The following ANK3 variants were observed in gnomAD, a reference collection of about 807,000 sequenced individuals.
The protein encoded by ANK3 is ankyrin 3, also known as ankyrin-3.
In ANK3, 57 loss-of-function variants were observed where a neutral mutation model predicts 370.9. The observed-to-expected ratio is 0.15, with a 90% CI of 0.12 to 0.19. The LOEUF (loss-of-function observed/expected upper bound fraction) is 0.19. ANK3 is among the 10% of genes least tolerant of loss of function. The pLI is 1.00. For missense variants in ANK3, 4,439 were observed against 5,302.1 expected, an observed-to-expected ratio of 0.84 and a Z score of 5.06; for synonymous variants, 1,929 against 1,946.3, an observed-to-expected ratio of 0.99 and a Z score of 0.23.
intron 23 of ANK3, among the ~76,000 whole-genome samples, chr10:60,142,742 C>T (rs1268721803): frequency 6.6e-6 from 1 of 151,958 alleles, no homozygotes; most frequent in South Asian, 2.1e-4. Flanking sequence ...AATAAAATAG[C>T]CTTATAACAT....
intron 2 of ANK3, among the ~76,000 whole-genome samples, chr10:60,410,074 A>G (rs2063528769): frequency 1.3e-5 from 2 of 151,974 alleles, no homozygotes; most frequent in Admixed American, 1.3e-4. Context: ...TTGAATTTTG[A>G]TATTCTGATT....
intron 17 of ANK3, among the ~76,000 whole-genome samples, chr10:60,183,645 G>A (rs2132352627): frequency 6.6e-6 from 1 of 152,174 alleles, no homozygotes; most frequent in East Asian, 1.9e-4. Flanking sequence ...GATCCCCTGA[G>A]GTTGGGAGTT....
In ANK3 at chr10:60,193,623, CCA is replaced by C. The variant is rs1335281867; in HGVS notation, c.1887+2520_1887+2521del. Among the ~76,000 whole-genome samples the C allele has an allele frequency of 2.0e-5, 3 of 150,774 alleles. No individual in the cohort carries two copies. The East Asian group carries it at 5.9e-4, about 30-fold the overall frequency. On this transcript the variant is annotated intron_variant, in intron 16 of 43. Coordinates refer to ENST00000280772, the MANE Select transcript of ANK3 (RefSeq NM_020987.5). ...TGAGCCAAGATCGTGCCACTACACT[CCA>C]GTCTGGGTGACAAAAAAAAAAAAAA...
intron 2 of ANK3, among the ~76,000 whole-genome samples, chr10:60,511,693 G>C (rs1166155642): frequency 1.3e-4 from 20 of 151,890 alleles, no homozygotes; most frequent in Non-Finnish European, 2.8e-4. Context: ...ACTCTCTATG[G>C]AATACTGAAA....
chr10:60,456,170 C>G (rs899274393), intron 2 of ANK3, among the ~76,000 whole-genome samples: 1 of 152,206 alleles, frequency 6.6e-6, no homozygotes, highest in African/African-American at 2.4e-5. Context: ...GAGAGGACAT[C>G]TTTCTTATCC....
chr10:60,468,997 G>GTATATATATA (rs71015794), intron 2 of ANK3, among the ~76,000 whole-genome samples: 1 of 23,256 alleles, frequency 4.3e-5, no homozygotes, highest in East Asian at 2.0e-3. Flanking sequence ...CTTTTAGTGT[G>GTATATATATA]TATATATATA....
chr10:60,510,820 GAAAT>G (rs1159271099), intron 2 of ANK3, among the ~76,000 whole-genome samples: 2 of 151,940 alleles, frequency 1.3e-5, no homozygotes, highest in Non-Finnish European at 1.5e-5. Context: ...ACTCTGTCTT[GAAAT>G]AAATAAATAA....
intron 1 of ANK3, among the ~76,000 whole-genome samples, chr10:60,650,678 T>C (rs1009475856): frequency 2.0e-5 from 3 of 152,202 alleles, no homozygotes; most frequent in Admixed American, 6.5e-5. Context: ...CAGACACTAA[T>C]CTAATAATGG....
At chr10:60,678,803 C>T (rs1384886494) in intron 1 of ANK3, among the ~76,000 whole-genome samples, 2 of 152,166 alleles carry the variant, frequency 1.3e-5, no homozygotes, top group Admixed American at 1.3e-4. Flanking sequence ...TAACTTTTCT[C>T]TTTAATGTTC....
chr10:60,187,002 G>T (rs534263234), intron 16 of ANK3, 90 bp from the exon 17 acceptor site: 3 of 1,262,496 alleles, frequency 2.4e-6, no homozygotes, highest in African/African-American at 2.9e-5. Context: ...TCTTTCTAGT[G>T]GTTTTCTATG....
chr10:60,076,221 C>G lies in ANK3; in HGVS notation c.4660G>C (p.Gly1554Arg). Residue 1554 changes from glycine (G) to arginine (R), a missense_variant, in exon 37 of 44, where the codon GGC (glycine) becomes CGC (arginine). Physicochemically the swap from Gly to Arg is moderately radical, Grantham distance 125 (BLOSUM62 -2). Around this residue, in one of 13 missense-constraint regions of ANK3, gnomAD observed 679 missense variants for 791.0 expected, o/e 0.86. Coordinates refer to ENST00000280772, the MANE Select transcript of ANK3 (RefSeq NM_020987.5). ...STPSPIKSTL[G>R]ASTTSSVKSI... is the part of the protein sequence containing the mutation. ...TTAACTGAAGATGTAGTTGACGCGC[C>G]TAATGTGGATTTGATTGGAGAAGGT... 6.2e-7 allele frequency: 1 copy of G among 1,614,128 alleles called. No homozygotes were observed. Among genetic ancestry groups the G allele is most frequent in the Non-Finnish European group, 8.5e-7 (1 of 1,179,978 alleles).
At chr10:60,487,720 A>AT (rs10684114) in intron 2 of ANK3, among the ~76,000 whole-genome samples, 15,066 of 144,940 alleles carry the variant, frequency 0.1, 901 homozygotes, top group South Asian at 0.18. Flanking sequence ...ATGATGTTGC[A>AT]TTTTTTTTTT....
chr10:60,054,772 T>C (rs1263881643), intron 42 of ANK3, among the ~76,000 whole-genome samples: 1 of 152,224 alleles, frequency 6.6e-6, no homozygotes, highest in Admixed American at 6.5e-5. Context: ...GAACTGGATA[T>C]GTCTCAGCGA....
At chr10:60,401,982 T>A (rs1391971411) in intron 2 of ANK3, among the ~76,000 whole-genome samples, 1 of 152,206 alleles carries the variant, frequency 6.6e-6, no homozygotes. Flanking sequence ...CAACTCTACT[T>A]ATATATTCTC....
At chr10:60,096,397 A>G (rs1294602246) in intron 28 of ANK3, among the ~76,000 whole-genome samples, 1 of 152,190 alleles carries the variant, frequency 6.6e-6, no homozygotes, top group Non-Finnish European at 1.5e-5. Context: ...CATCCTATAC[A>G]TTACAGAAAA....
intron 2 of ANK3, among the ~76,000 whole-genome samples, chr10:60,573,567 C>T (rs1383646229): frequency 6.6e-6 from 1 of 152,178 alleles, no homozygotes; most frequent in Non-Finnish European, 1.5e-5. Flanking sequence ...CATCCTGAGC[C>T]CCAGGAATCT....
chr10:60,472,122 A>G (rs1482622757), intron 2 of ANK3, among the ~76,000 whole-genome samples: 1 of 152,168 alleles, frequency 6.6e-6, no homozygotes, highest in Admixed American at 6.6e-5. Context: ...AATGTCAAGT[A>G]AGACTTGGAA....
upstream of ANK3, among the ~76,000 whole-genome samples, chr10:60,390,930 CA>C (rs2063052848): frequency 6.6e-6 from 1 of 152,134 alleles, no homozygotes; most frequent in African/African-American, 2.4e-5. Context: ...GACACAGCAC[CA>C]AGTCCAATGC....
chr10:60,687,952 C>A (rs1456405676), intron 1 of ANK3, among the ~76,000 whole-genome samples: 1 of 152,056 alleles, frequency 6.6e-6, no homozygotes, highest in Non-Finnish European at 1.5e-5. Context: ...GTGAAATAAC[C>A]CAGTGACAGA....
Sources: gnomAD v4.1 joint callset for allele counts (sites outside exome capture counted in the v4.1 genomes callset) on GRCh38, gnomAD v4.1.1 for gene constraint, gnomAD v4.1.1 regional missense constraint, MANE v1.5 for transcripts, NCBI Gene and HGNC (gene_info 2026-07-23, HGNC 2026-07-21) for gene names.